The following CACNA1C variants were observed in gnomAD, a reference collection of about 807,000 sequenced individuals.
CACNA1C encodes the protein calcium voltage-gated channel subunit alpha1 C.
Under a neutral mutation model 229.0 loss-of-function variants are expected in CACNA1C, and 30 were observed. The observed-to-expected ratio is 0.13, with a 90% CI of 0.10 to 0.18. CACNA1C has a LOEUF of 0.18. Ranked by LOEUF, CACNA1C falls within the 10% of genes least tolerant of loss-of-function variation. The pLI is 1.00. For synonymous variants in CACNA1C, 1,114 were observed against 1,132.5 expected (o/e 0.98, Z 0.33); for missense variants, 1,658 against 2,845.0 (o/e 0.58, Z 9.49).
At chr12:2,444,200 T>C (rs2099255370) in intron 3 of CACNA1C, among the ~76,000 whole-genome samples, 2 of 152,196 alleles carry the variant, frequency 1.3e-5, no homozygotes, top group Admixed American at 1.3e-4. Context: ...AGGTGAGATG[T>C]GATGAACAGA....
At chr12:2,546,020 C>T (rs760141890) in intron 9 of CACNA1C, among the ~76,000 whole-genome samples, 11 of 151,852 alleles carry the variant, frequency 7.2e-5, no homozygotes, top group African/African-American at 1.5e-4. Flanking sequence ...CACATTCTCC[C>T]GTGCAGTGGC....
At chr12:2,335,668 G>A (rs996579681) in intron 3 of CACNA1C, among the ~76,000 whole-genome samples, 10 of 152,104 alleles carry the variant, frequency 6.6e-5, no homozygotes, top group East Asian at 1.9e-4. Flanking sequence ...GTGAGGGACC[G>A]GCCCTCCCTT....
chr12:2,620,213 T>TACAA (rs1355669064), intron 29 of CACNA1C, among the ~76,000 whole-genome samples: 10 of 151,748 alleles, frequency 6.6e-5, no homozygotes, highest in African/African-American at 2.4e-4. Context: ...TTTTTGTTGT[T>TACAA]ATTGTCAGTT....
In CACNA1C at chr12:2,195,624, G is replaced by A. The variant is rs151215316; in HGVS notation, c.477+75194G>A. 7.0e-3 allele frequency among the ~76,000 whole-genome samples: 1,067 copies of A among 152,292 alleles called. 12 individuals carry two copies. The highest frequency in any genetic ancestry group is 0.024 in the African/African-American group (1,003 of 41,546). On this transcript the variant is annotated intron_variant, in intron 3 of 46. Coordinates refer to ENST00000399655, the MANE Select transcript of CACNA1C (RefSeq NM_000719.7). ...GGAAACCACTTCTGTAGGAAGCAGG[G>A]GTAGGGATGAAGGCAAGGAGGACAG...
rs1351677393 is a variant in CACNA1C at position 2,193,202 on chromosome 12, T to C, written c.477+72772T>C. Among the ~76,000 whole-genome samples, 8 of 152,302 alleles carry C rather than the reference T, an allele frequency of 5.3e-5. No homozygotes were observed. The South Asian group carries it at 1.0e-3, about 20-fold the overall frequency. ...GGGTGCAGAGGCCCATGCCTGAAAT[T>C]CCAGCACTTTGGGAGGCTGAGGCGG... is the stretch of plus-strand genomic sequence containing the variant. On this transcript the variant is annotated intron_variant, in intron 3 of 46. Transcript: ENST00000399655.
At chr12:2,121,906 C>G (rs969700785) in intron 3 of CACNA1C, among the ~76,000 whole-genome samples, 2 of 152,212 alleles carry the variant, frequency 1.3e-5, no homozygotes, top group Non-Finnish European at 2.9e-5. Context: ...GCTGATGACA[C>G]TTGGGGCTGC....
At chr12:2,268,109 C>T (rs1263347704) in intron 3 of CACNA1C, among the ~76,000 whole-genome samples, 1 of 152,182 alleles carries the variant, frequency 6.6e-6, no homozygotes, top group Non-Finnish European at 1.5e-5. Flanking sequence ...GTGCCAGGGA[C>T]TGGTTTGTTT....
chr12:2,074,785 C>T (rs1217917749), intron 1 of CACNA1C, among the ~76,000 whole-genome samples: 1 of 152,132 alleles, frequency 6.6e-6, no homozygotes, highest in African/African-American at 2.4e-5. Context: ...CCATCCATAC[C>T]CTGAAGCTGT....
At chr12:2,450,471 G>C (rs528107747) in intron 4 of CACNA1C, among the ~76,000 whole-genome samples, 2 of 141,608 alleles carry the variant, frequency 1.4e-5, no homozygotes, top group Admixed American at 7.2e-5. Context: ...GGAGAATGGC[G>C]TGAACCCGGG....
intron 11 of CACNA1C, among the ~76,000 whole-genome samples, chr12:2,562,342 C>T (rs899679354): frequency 3.9e-5 from 6 of 152,210 alleles, no homozygotes; most frequent in African/African-American, 1.4e-4. Flanking sequence ...TTGCCTTGGA[C>T]TCTGAATAAC....
intron 1 of CACNA1C, among the ~76,000 whole-genome samples, chr12:2,041,790 C>T (rs1365629710): frequency 6.6e-6 from 1 of 152,218 alleles, no homozygotes; most frequent in African/African-American, 2.4e-5. Flanking sequence ...TAGCCCTGGC[C>T]TTCCCTGTGA....
At chr12:2,222,175 T>C (rs967966055) in intron 3 of CACNA1C, 4 of 152,248 alleles carry the variant, frequency 2.6e-5, no homozygotes, top group African/African-American at 9.6e-5. Flanking sequence ...AGCCCTGTTA[T>C]TTGAAAAAAC....
At chr12:2,407,165 C>A (rs566567426) in intron 3 of CACNA1C, among the ~76,000 whole-genome samples, 1 of 152,196 alleles carries the variant, frequency 6.6e-6, no homozygotes, top group Non-Finnish European at 1.5e-5. Flanking sequence ...AATGTCCTGG[C>A]GCTCCCTTAG....
chr12:2,186,118 T>A (rs1295121839), intron 3 of CACNA1C, among the ~76,000 whole-genome samples: 1 of 152,182 alleles, frequency 6.6e-6, no homozygotes, highest in African/African-American at 2.4e-5. Flanking sequence ...TTGGTGAGCT[T>A]CTTTCAGTCC....
chr12:2,636,687 C>T (rs1266172580), intron 30 of CACNA1C, among the ~76,000 whole-genome samples: 3 of 152,228 alleles, frequency 2.0e-5, no homozygotes, highest in African/African-American at 7.2e-5. Flanking sequence ...TTCCTGGTTT[C>T]TGTACTCCAC....
At chr12:2,294,369 C>T (rs2093810937) in intron 3 of CACNA1C, among the ~76,000 whole-genome samples, 1 of 151,614 alleles carries the variant, frequency 6.6e-6, no homozygotes, top group Non-Finnish European at 1.5e-5. Flanking sequence ...GAGGCGGCTG[C>T]TGAGGAAGGT....
At chr12:2,037,592 T>A (rs1295369846) in intron 1 of CACNA1C, among the ~76,000 whole-genome samples, 1 of 152,196 alleles carries the variant, frequency 6.6e-6, no homozygotes, top group African/African-American at 2.4e-5. Context: ...TTCCCCACTT[T>A]GTGCAGGTCA....
chr12:2,658,345 C>T (rs1385707598), intron 34 of CACNA1C, among the ~76,000 whole-genome samples: 1 of 152,180 alleles, frequency 6.6e-6, no homozygotes, highest in African/African-American at 2.4e-5. Flanking sequence ...AAACTACAAT[C>T]TACAGTCATG....
intron 11 of CACNA1C, among the ~76,000 whole-genome samples, chr12:2,565,347 G>A (rs1015536183): frequency 4.0e-5 from 6 of 151,664 alleles, no homozygotes; most frequent in Admixed American, 1.3e-4. Flanking sequence ...GGCGCCTGTA[G>A]TCCCAGCTAC....
Sources: gnomAD v4.1 joint callset for allele counts (sites outside exome capture counted in the v4.1 genomes callset) on GRCh38, gnomAD v4.1.1 for gene constraint, MANE v1.5 for transcripts, NCBI Gene and HGNC (gene_info 2026-07-23, HGNC 2026-07-21) for gene names.